RANBP2: variants seen among roughly 807,000 people sequenced by gnomAD.
RANBP2 encodes the protein E3 SUMO-protein ligase RanBP2.
A neutral mutation model predicts 303.6 loss-of-function variants in RANBP2; 57 were observed. The ratio of observed to expected loss-of-function variants is 0.19; its 90% CI spans 0.15 to 0.23. RANBP2 has a LOEUF of 0.23. Among genes scored for constraint, RANBP2 ranks in the 10% least tolerant of loss-of-function variants. The pLI, the probability that RANBP2 is intolerant of heterozygous loss-of-function variation, is 1.00. For missense variants in RANBP2, 3,138 were observed against 3,780.8 expected, an observed-to-expected ratio of 0.83 and a Z score of 4.46; for synonymous variants, 1,167 against 1,301.5, an observed-to-expected ratio of 0.90 and a Z score of 2.23.
the RANBP2 span, among the ~76,000 whole-genome samples, chr2:109,090,152 G>C: frequency 6.6e-6 from 1 of 151,996 alleles, no homozygotes; most frequent in African/African-American, 2.4e-5. Context: ...TGAAAGCTTA[G>C]AACTTTCAGA....
chr2:108,834,238 A>T, the RANBP2 span, among the ~76,000 whole-genome samples: 19 of 143,180 alleles, frequency 1.3e-4, no homozygotes, highest in Non-Finnish European at 2.5e-4. Context: ...TTTGAGACAG[A>T]GTCTCGCTCT....
At chr2:109,421,550 C>G in the RANBP2 span, among the ~76,000 whole-genome samples, 1 of 152,196 alleles carries the variant, frequency 6.6e-6, no homozygotes, top group South Asian at 2.1e-4. Flanking sequence ...TGGATGGCTT[C>G]TAAATTTGGT....
the RANBP2 span, among the ~76,000 whole-genome samples, chr2:109,738,196 T>G: frequency 6.6e-6 from 1 of 152,154 alleles, no homozygotes; most frequent in Non-Finnish European, 1.5e-5. Context: ...TTTCTTCCAG[T>G]AGTTTTGTAG....
the RANBP2 span, among the ~76,000 whole-genome samples, chr2:109,301,772 T>C: frequency 6.6e-6 from 1 of 152,346 alleles, no homozygotes; most frequent in East Asian, 1.9e-4. Flanking sequence ...CTACCCATCC[T>C]TTTTGGGTGG....
At chr2:109,607,559 G>A in the RANBP2 span, among the ~76,000 whole-genome samples, 1 of 152,082 alleles carries the variant, frequency 6.6e-6, no homozygotes, top group South Asian at 2.1e-4. Flanking sequence ...ATATTCTTTA[G>A]TACTGGATTC....
At chr2:108,883,279 G>GA in the RANBP2 span, 4 of 152,204 alleles carry the variant, frequency 2.6e-5, no homozygotes, top group Non-Finnish European at 4.4e-5. Context: ...GACCAAACTG[G>GA]AAAAATCTCT....
At chr2:109,642,909 T>C in the RANBP2 span, among the ~76,000 whole-genome samples, 1 of 152,212 alleles carries the variant, frequency 6.6e-6, no homozygotes, top group Admixed American at 6.5e-5. Flanking sequence ...GTGTGGTGGC[T>C]CACGCCTGTA....
the RANBP2 span, among the ~76,000 whole-genome samples, chr2:109,774,505 T>TATAAA: frequency 1.2e-4 from 4 of 32,066 alleles, no homozygotes; most frequent in African/African-American, 1.1e-3. Flanking sequence ...CAAACATATA[T>TATAAA]ATATATATAA....
chr2:109,299,835 C>T, the RANBP2 span, among the ~76,000 whole-genome samples: 1 of 152,236 alleles, frequency 6.6e-6, no homozygotes, highest in African/African-American at 2.4e-5. Flanking sequence ...TTACAAAACC[C>T]AGCATGTACA....
rs1175495861 is a variant in RANBP2, at chr2:108,777,320, G to GTTT, written c.8599+91_8599+92insTTT. On this transcript the variant is annotated intron_variant, in intron 25 of 28. Coordinates refer to ENST00000283195, the MANE Select transcript of RANBP2 (RefSeq NM_006267.5). ...GTTTTTTGTTGCAGTATATAACTAAGTTAGAAGTTTCTTCCCTTACCCCCC... is the reference window on the plus strand; with the variant it reads ...GTTTTTTGTTGCAGTATATAACTAAGTTTTTAGAAGTTTCTTCCCTTACCCCCC... 2.1e-3 allele frequency: 2,203 copies of GTTT among 1,068,128 alleles called. 12 individuals are homozygous for GTTT. The highest frequency in any genetic ancestry group is 2.7e-3 in the Non-Finnish European group (1,976 of 740,442). 66.2% of individuals were successfully genotyped at this position (1,068,128 alleles called of 1,614,324 possible). A position where few individuals can be genotyped will look rare whatever the true frequency, so the allele number is the denominator to read the frequency against.
chr2:109,368,375 C>T, the RANBP2 span, among the ~76,000 whole-genome samples: 1 of 152,150 alleles, frequency 6.6e-6, no homozygotes, highest in Non-Finnish European at 1.5e-5. Context: ...TCTTCTTGGA[C>T]ATTCAAGTTT....
the RANBP2 span, among the ~76,000 whole-genome samples, chr2:109,423,493 A>T: frequency 6.6e-6 from 1 of 152,220 alleles, no homozygotes; most frequent in Non-Finnish European, 1.5e-5. Context: ...AAACCATGCC[A>T]ACACAAGACA....
At chr2:109,324,068 C>A in the RANBP2 span, among the ~76,000 whole-genome samples, 1 of 152,262 alleles carries the variant, frequency 6.6e-6, no homozygotes, top group South Asian at 2.1e-4. Flanking sequence ...TAATATGTGG[C>A]CTTTTGTGTC....
At chr2:109,515,788 A>G in the RANBP2 span, among the ~76,000 whole-genome samples, 1 of 152,156 alleles carries the variant, frequency 6.6e-6, no homozygotes. Context: ...AAAGTGGAGC[A>G]GGAGGGGTAG....
At chr2:108,819,707 C>T in the RANBP2 span, among the ~76,000 whole-genome samples, 1 of 152,076 alleles carries the variant, frequency 6.6e-6, no homozygotes, top group African/African-American at 2.4e-5. Flanking sequence ...CTGTATGAAG[C>T]CAGTTGTAAA....
At chr2:109,400,504 TACAC>T in the RANBP2 span, among the ~76,000 whole-genome samples, 1 of 150,998 alleles carries the variant, frequency 6.6e-6, no homozygotes, top group Non-Finnish European at 1.5e-5. Flanking sequence ...CATTTACACA[TACAC>T]CCCTCCAGGT....
the RANBP2 span, among the ~76,000 whole-genome samples, chr2:109,462,436 C>A: frequency 1.3e-5 from 2 of 152,070 alleles, no homozygotes; most frequent in South Asian, 4.2e-4. Context: ...GTTGGAGTCA[C>A]CACCTGGTTA....
At chr2:108,909,033 T>G in the RANBP2 span, among the ~76,000 whole-genome samples, 1 of 152,176 alleles carries the variant, frequency 6.6e-6, no homozygotes, top group East Asian at 1.9e-4. Flanking sequence ...CTCTGAGACC[T>G]AAGGACAAAC....
the RANBP2 span, among the ~76,000 whole-genome samples, chr2:109,291,896 G>A: frequency 1.8e-3 from 268 of 152,284 alleles, no homozygotes; most frequent in African/African-American, 6.3e-3. Context: ...ATGGAGTCTC[G>A]CTCTGTTGCC....
Sources: gnomAD v4.1 joint callset for allele counts (sites outside exome capture counted in the v4.1 genomes callset) on GRCh38, gnomAD v4.1.1 for gene constraint, MANE v1.5 for transcripts, NCBI Gene and HGNC (gene_info 2026-07-23, HGNC 2026-07-21) for gene names.